The following METTL24 variants were observed in gnomAD, a reference collection of about 807,000 sequenced individuals.
The protein encoded by METTL24 is methyltransferase like 24, also known as probable methyltransferase-like protein 24.
Under a neutral mutation model 32.7 loss-of-function variants are expected in METTL24, and 29 were observed. That is an observed-to-expected ratio of 0.89 (90% CI 0.66 to 1.21). The LOEUF (loss-of-function observed/expected upper bound fraction) is 1.21, where lower values mean the gene tolerates loss of function less well. Among genes scored for constraint, METTL24 ranks in the 50% most tolerant of loss-of-function variants. METTL24 has a pLI of 0.00. For synonymous variants in METTL24, 163 were observed against 179.5 expected (o/e 0.91, Z 0.73); for missense variants, 439 against 468.1 (o/e 0.94, Z 0.57).
chr6:110,266,534 T>A (rs1021888675), intron 4 of METTL24, among the ~76,000 whole-genome samples: 9 of 152,154 alleles, frequency 5.9e-5, no homozygotes, highest in Non-Finnish European at 1.3e-4. Context: ...TCTTGCCTCC[T>A]CCTCCTTTCC....
intron 1 of METTL24, among the ~76,000 whole-genome samples, chr6:110,341,578 C>T (rs886573232): frequency 5.9e-5 from 9 of 152,066 alleles, no homozygotes; most frequent in African/African-American, 1.9e-4. Flanking sequence ...TGAAATTAAG[C>T]TTTAAGATAT....
At chr6:110,350,759 C>CAACAAAATAAAATAA (rs1772580760) in intron 1 of METTL24, among the ~76,000 whole-genome samples, 1 of 66,950 alleles carries the variant, frequency 1.5e-5, no homozygotes, top group African/African-American at 6.2e-5. Context: ...GACCCTGTCT[C>CAACAAAATAAAATAA]AACAAAATAA....
intron 1 of METTL24, among the ~76,000 whole-genome samples, chr6:110,332,205 C>G (rs540017792): frequency 6.6e-6 from 1 of 152,318 alleles, no homozygotes; most frequent in South Asian, 2.1e-4. Flanking sequence ...AAGGAATAAA[C>G]ACTCAACTCT....
chr6:110,330,182 C>T (rs78029432), intron 1 of METTL24, among the ~76,000 whole-genome samples: 365 of 152,242 alleles, frequency 2.4e-3, no homozygotes, highest in Middle Eastern at 0.01. Context: ...TTCCTTTCTC[C>T]GTTCTTGCAA....
chr6:110,337,007 A>G (rs188369616), intron 1 of METTL24, among the ~76,000 whole-genome samples: 1 of 152,320 alleles, frequency 6.6e-6, no homozygotes, highest in African/African-American at 2.4e-5. Context: ...AATAGCAAAG[A>G]CATGGAATCA....
chr6:110,289,323 A>T (rs1771278380), intron 4 of METTL24, among the ~76,000 whole-genome samples: 1 of 152,236 alleles, frequency 6.6e-6, no homozygotes, highest in Non-Finnish European at 1.5e-5. Flanking sequence ...AGTTTAAAAT[A>T]AGTATGTTTA....
chr6:110,260,242 A>G (rs1327172013), intron 4 of METTL24, among the ~76,000 whole-genome samples: 3 of 152,252 alleles, frequency 2.0e-5, no homozygotes, highest in African/African-American at 7.2e-5. Context: ...ATGGCTAACT[A>G]GAATAACCAA....
rs1264081036 is a variant in METTL24 at position 110,245,052 on chromosome 6, CAACTT to C, written c.*889_*893del. On this transcript the variant is annotated 3_prime_UTR_variant, in exon 5 of 5. Transcript: ENST00000338882. ...ACCTACAATGGTTAATTTTATGTGT[CAACTT>C]AACTGGACTAAAGGGTGTCCAGATC... Among the ~76,000 whole-genome samples the C allele has an allele frequency of 6.6e-6, 1 of 151,960 alleles. No homozygotes were observed. The highest frequency in any genetic ancestry group is 1.5e-5 in the Non-Finnish European group (1 of 68,020).
chr6:110,295,071 G>A (rs1334747265), intron 4 of METTL24, among the ~76,000 whole-genome samples: 1 of 129,538 alleles, frequency 7.7e-6, no homozygotes, highest in Non-Finnish European at 1.5e-5. Flanking sequence ...CACCCAAGCT[G>A]GAGTACAGTG....
At chr6:110,292,154 G>T (rs143879008) in intron 4 of METTL24, among the ~76,000 whole-genome samples, 81 of 152,304 alleles carry the variant, frequency 5.3e-4, no homozygotes, top group African/African-American at 1.8e-3. Flanking sequence ...TGGCTATGCA[G>T]ATTGTTTTCT....
At chr6:110,327,583 A>T (rs1313890166) in intron 1 of METTL24, among the ~76,000 whole-genome samples, 1 of 152,214 alleles carries the variant, frequency 6.6e-6, no homozygotes. Flanking sequence ...CATTTCACAT[A>T]AAGCAATGTT....
chr6:110,358,106 G>T lies in METTL24; in HGVS notation c.167C>A (p.Pro56Gln), dbSNP rs889840437. 1 of 1,021,046 alleles carries T rather than the reference G, an allele frequency of 9.8e-7. No homozygotes were observed. The highest frequency in any genetic ancestry group is 1.2e-6 in the Non-Finnish European group (1 of 854,498). 63.2% of individuals were successfully genotyped at this position (1,021,046 alleles called of 1,614,324 possible). A position where few individuals can be genotyped will look rare whatever the true frequency, so the allele number is the denominator to read the frequency against. ...PPGPAWRPPG[P>Q]HLPPAPGQPR... ...CTGGCCCGGCGCGGGCGGCAGGTGCGGCCCAGGTGGCCGCCAGGCCGGGCC... is the reference window on the plus strand; with the variant it reads ...CTGGCCCGGCGCGGGCGGCAGGTGCTGCCCAGGTGGCCGCCAGGCCGGGCC... Residue 56 changes from proline to glutamine, a missense_variant, in exon 1 of 5, where the codon CCG becomes CAG. Physicochemically the swap from Pro to Gln is moderately conservative, Grantham distance 76. Coordinates refer to ENST00000338882, the MANE Select transcript of METTL24 (RefSeq NM_001123364.3).
At chr6:110,247,094 G>A (rs564224965) in intron 4 of METTL24, among the ~76,000 whole-genome samples, 5 of 152,150 alleles carry the variant, frequency 3.3e-5, no homozygotes, top group South Asian at 4.2e-4. Context: ...GCTCCTTTTC[G>A]CTGCCTGTGC....
intron 4 of METTL24, among the ~76,000 whole-genome samples, chr6:110,267,763 C>G (rs775857715): frequency 6.6e-6 from 1 of 152,150 alleles, no homozygotes; most frequent in Admixed American, 6.6e-5. Flanking sequence ...GCAGGCTGTA[C>G]AAGCATGCCA....
chr6:110,330,464 G>C (rs1772093443), intron 1 of METTL24, among the ~76,000 whole-genome samples: 1 of 152,204 alleles, frequency 6.6e-6, no homozygotes, highest in Non-Finnish European at 1.5e-5. Flanking sequence ...GATAATACTG[G>C]GGAAACTGGG....
intron 4 of METTL24, among the ~76,000 whole-genome samples, chr6:110,281,922 CA>C (rs1162013165): frequency 1.3e-5 from 2 of 152,040 alleles, no homozygotes; most frequent in Non-Finnish European, 2.9e-5. Context: ...AAAATATTTT[CA>C]AAGATGTGAA....
At chr6:110,277,179 G>T (rs936481912) in intron 4 of METTL24, among the ~76,000 whole-genome samples, 1 of 152,120 alleles carries the variant, frequency 6.6e-6, no homozygotes, top group Non-Finnish European at 1.5e-5. Context: ...CTGACAAATG[G>T]CTGCAAATGT....
chr6:110,295,634 G>A lies in METTL24; in HGVS notation c.786+3288C>T, dbSNP rs555864551. The stretch of plus-strand genomic sequence containing the variant: ...CACCCACAAGGCTGTTCAGCGCCTG[G>A]AGGCAGCAAACAATAGTTCTCTACA... On this transcript the variant is annotated intron_variant, in intron 4 of 4. Coordinates refer to ENST00000338882, the MANE Select transcript of METTL24 (RefSeq NM_001123364.3). Among the ~76,000 whole-genome samples, 15 of 152,278 alleles carry A rather than the reference G, an allele frequency of 9.9e-5. No individual in the cohort carries two copies. In the South Asian group the frequency reaches 3.1e-3, roughly 32 times the overall value.
chr6:110,352,489 G>A (rs1240071258), intron 1 of METTL24, among the ~76,000 whole-genome samples: 2 of 152,036 alleles, frequency 1.3e-5, no homozygotes, highest in African/African-American at 2.4e-5. Flanking sequence ...CTTGCTATTG[G>A]TTTATATTAC....
Sources: gnomAD v4.1 joint callset for allele counts (sites outside exome capture counted in the v4.1 genomes callset) on GRCh38, gnomAD v4.1.1 for gene constraint, MANE v1.5 for transcripts, NCBI Gene and HGNC (gene_info 2026-07-23, HGNC 2026-07-21) for gene names.